The following LRRTM4 variants were observed in gnomAD, a reference collection of about 807,000 sequenced individuals.
LRRTM4 encodes leucine-rich repeat transmembrane neuronal protein 4.
In LRRTM4, 25 loss-of-function variants were observed where a neutral mutation model predicts 47.6. The ratio of observed to expected loss-of-function variants is 0.53; its 90% CI spans 0.38 to 0.73. LRRTM4 has a LOEUF of 0.73. LRRTM4 is among the 30% of genes least tolerant of loss of function. The pLI is 0.00. For missense variants in LRRTM4, 638 were observed against 713.4 expected, an observed-to-expected ratio of 0.89 and a Z score of 1.20; for synonymous variants, 311 against 269.5, an observed-to-expected ratio of 1.15 and a Z score of -1.51.
chr2:77,368,621 G>C (rs74697728), intron 3 of LRRTM4, among the ~76,000 whole-genome samples: 79 of 151,694 alleles, frequency 5.2e-4, no homozygotes, highest in African/African-American at 1.9e-3. Flanking sequence ...ACATTATTTT[G>C]CATTATGTTA....
chr2:76,952,928 A>C (rs1675544356), intron 3 of LRRTM4, among the ~76,000 whole-genome samples: 1 of 151,980 alleles, frequency 6.6e-6, no homozygotes, highest in African/African-American at 2.4e-5. Context: ...ATATTAATGC[A>C]GGAAAAGGAA....
At chr2:77,274,482 T>C (rs1375652362) in intron 3 of LRRTM4, among the ~76,000 whole-genome samples, 1 of 152,172 alleles carries the variant, frequency 6.6e-6, no homozygotes, top group Non-Finnish European at 1.5e-5. Context: ...CAGATATGCT[T>C]CCAATGTCAT....
At chr2:77,157,773 T>C (rs1426287803) in intron 3 of LRRTM4, among the ~76,000 whole-genome samples, 1 of 152,154 alleles carries the variant, frequency 6.6e-6, no homozygotes, top group African/African-American at 2.4e-5. Context: ...GCTGAAACGA[T>C]TGAACCTGAG....
chr2:77,114,293 T>G (rs1056830585), intron 3 of LRRTM4, among the ~76,000 whole-genome samples: 1 of 152,140 alleles, frequency 6.6e-6, no homozygotes, highest in African/African-American at 2.4e-5. Context: ...AGGTTCCTTT[T>G]TCAGGAAACC....
chr2:77,473,063 G>A (rs912929627), intron 3 of LRRTM4, among the ~76,000 whole-genome samples: 1 of 151,996 alleles, frequency 6.6e-6, no homozygotes, highest in Non-Finnish European at 1.5e-5. Flanking sequence ...GAAGATCAAG[G>A]AACTAGAGTC....
intron 3 of LRRTM4, among the ~76,000 whole-genome samples, chr2:76,877,090 A>G (rs1398190376): frequency 1.3e-5 from 2 of 152,072 alleles, no homozygotes; most frequent in African/African-American, 4.8e-5. Flanking sequence ...GATGGGTCCT[A>G]TAAATGCTAG....
At chr2:77,368,408 A>G (rs1037955755) in intron 3 of LRRTM4, among the ~76,000 whole-genome samples, 1 of 151,724 alleles carries the variant, frequency 6.6e-6, no homozygotes, top group African/African-American at 2.4e-5. Flanking sequence ...TTGAGGTACC[A>G]TGAGGTACTC....
chr2:76,824,906 A>C (rs1348250930), intron 3 of LRRTM4, among the ~76,000 whole-genome samples: 1 of 151,638 alleles, frequency 6.6e-6, no homozygotes, highest in Non-Finnish European at 1.5e-5. Context: ...GACAGATTTC[A>C]CAGCATACAT....
At chr2:76,941,197 G>T (rs988551212) in intron 3 of LRRTM4, among the ~76,000 whole-genome samples, 1 of 152,138 alleles carries the variant, frequency 6.6e-6, no homozygotes, top group African/African-American at 2.4e-5. Context: ...AGGCGATAAA[G>T]CCATATCATC....
In LRRTM4 at chr2:76,974,213, C is replaced by CATATATATATACATAT. The variant is rs1283439856; in HGVS notation, c.1552-225298_1552-225297insATATGTATATATATAT. Among the ~76,000 whole-genome samples the CATATATATATACATAT allele has an allele frequency of 2.6e-3, 333 of 126,416 alleles. 8 individuals carry two copies. The highest frequency in any genetic ancestry group is 3.6e-3 in the Non-Finnish European group (228 of 62,732). 82.9% of individuals were successfully genotyped at this position (126,416 alleles called of 152,430 possible). A position where few individuals can be genotyped will look rare whatever the true frequency, so the allele number is the denominator to read the frequency against. On this transcript the variant is annotated intron_variant, in intron 3 of 3. Transcript: ENST00000409884. The stretch of plus-strand genomic sequence containing the variant: ...ATATATATACATATATATATATACA[C>CATATATATATACATAT]ATATATATACATACATATATATATA...
At chr2:76,992,861 T>G (rs10196749) in intron 3 of LRRTM4, among the ~76,000 whole-genome samples, 1 of 147,144 alleles carries the variant, frequency 6.8e-6, no homozygotes. Flanking sequence ...TCATATTACT[T>G]GACTTCAAAT....
chr2:76,913,744 G>A (rs1674151174), intron 3 of LRRTM4, among the ~76,000 whole-genome samples: 1 of 151,752 alleles, frequency 6.6e-6, no homozygotes, highest in African/African-American at 2.4e-5. Context: ...TCGCCATGTT[G>A]GTCTGGCTGG....
chr2:77,108,241 G>A (rs1558583976), intron 3 of LRRTM4, among the ~76,000 whole-genome samples: 1 of 152,074 alleles, frequency 6.6e-6, no homozygotes, highest in Non-Finnish European at 1.5e-5. Flanking sequence ...ATAATTCATT[G>A]TATGCAGGAG....
intron 3 of LRRTM4, among the ~76,000 whole-genome samples, chr2:77,142,593 T>C (rs977930321): frequency 6.6e-6 from 1 of 152,156 alleles, no homozygotes; most frequent in Non-Finnish European, 1.5e-5. Context: ...ACATTCTATA[T>C]GCTTATCCCC....
intron 3 of LRRTM4, among the ~76,000 whole-genome samples, chr2:76,896,264 A>G (rs1673414316): frequency 1.3e-5 from 2 of 151,948 alleles, no homozygotes; most frequent in Admixed American, 1.3e-4. Flanking sequence ...TGTTTCCCAC[A>G]TATTGGGTCC....
chr2:77,288,285 A>C (rs1676718918), intron 3 of LRRTM4, among the ~76,000 whole-genome samples: 1 of 151,750 alleles, frequency 6.6e-6, no homozygotes, highest in African/African-American at 2.4e-5. Flanking sequence ...AAAACAAAAC[A>C]ATGGAATTGA....
At chr2:77,372,559 G>A (rs1261904842) in intron 3 of LRRTM4, among the ~76,000 whole-genome samples, 1 of 151,636 alleles carries the variant, frequency 6.6e-6, no homozygotes, top group Non-Finnish European at 1.5e-5. Flanking sequence ...ACAGACTGCT[G>A]GAAGGGTACT....
intron 3 of LRRTM4, among the ~76,000 whole-genome samples, chr2:76,800,238 C>T (rs1396578351): frequency 6.7e-6 from 1 of 148,706 alleles, no homozygotes; most frequent in Non-Finnish European, 1.5e-5. Flanking sequence ...CAGCATGGTA[C>T]TGGTACCAAA....
intron 3 of LRRTM4, among the ~76,000 whole-genome samples, chr2:77,130,865 C>T (rs1244539476): frequency 4.5e-5 from 4 of 89,180 alleles, no homozygotes; most frequent in East Asian, 3.8e-4. Flanking sequence ...GACGGAGTCT[C>T]GCTCTGTCGC....
Sources: gnomAD v4.1 joint callset for allele counts (sites outside exome capture counted in the v4.1 genomes callset) on GRCh38, gnomAD v4.1.1 for gene constraint, MANE v1.5 for transcripts, NCBI Gene and HGNC (gene_info 2026-07-23, HGNC 2026-07-21) for gene names.